Variants in LRRTM4 observed in about 807,000 individuals in gnomAD.
LRRTM4 encodes the protein leucine rich repeat transmembrane neuronal 4.
Under a neutral mutation model 47.6 loss-of-function variants are expected in LRRTM4, and 25 were observed. The observed-to-expected ratio is 0.53, with a 90% confidence interval of 0.38 to 0.73. LRRTM4 has a LOEUF of 0.73. Among genes scored for constraint, LRRTM4 ranks in the 30% least tolerant of loss-of-function variants. The probability of loss-of-function intolerance (pLI) is 0.00; values close to 1 mark genes in which losing one functional copy is unlikely to be tolerated. For synonymous variants in LRRTM4, 311 were observed against 269.5 expected, an observed-to-expected ratio of 1.15 and a Z score of -1.51; for missense variants, 638 against 713.4, an observed-to-expected ratio of 0.89 and a Z score of 1.20.
At chr2:77,314,306 G>A (rs1208306773) in intron 3 of LRRTM4, among the ~76,000 whole-genome samples, 1 of 152,082 alleles carries the variant, frequency 6.6e-6, no homozygotes, top group East Asian at 1.9e-4. Flanking sequence ...GAATGAAGAT[G>A]CATCAATCAT....
In LRRTM4 at chr2:77,519,502, A is replaced by G; in HGVS notation, c.367T>C (p.Tyr123His). The G allele has an allele frequency of 6.2e-7, 1 of 1,613,458 alleles. No individual in the cohort carries two copies. Among genetic ancestry groups the G allele is most frequent in the South Asian group, 1.1e-5 (1 of 91,066 alleles). Residue 123 changes from tyrosine (Y) to histidine (H), a missense_variant, in exon 3 of 4, where the codon TAT (tyrosine) becomes CAT (histidine). Coordinates refer to ENST00000409884, the MANE Select transcript of LRRTM4 (RefSeq NM_001134745.3). This position sits in a 1 kb window ranked among gnomAD's most constrained non-coding sequence, Gnocchi z 4.6. ...GGGTGAAATGTTTTATTGTGCAGAT[A>G]AGTAATTTTGTTGGAGCTTAGAATT... ...ELILSSNKIT[Y>H]LHNKTFHPVP...
At chr2:77,191,886 A>G (rs1226844852) in intron 3 of LRRTM4, among the ~76,000 whole-genome samples, 1 of 152,046 alleles carries the variant, frequency 6.6e-6, no homozygotes, top group Non-Finnish European at 1.5e-5. Flanking sequence ...CTATAATCAC[A>G]ATATAGCTCC....
chr2:76,829,635 C>T (rs1237347234), intron 3 of LRRTM4, among the ~76,000 whole-genome samples: 2 of 151,924 alleles, frequency 1.3e-5, no homozygotes, highest in Non-Finnish European at 2.9e-5. Flanking sequence ...TTACTCAGTG[C>T]ATTTTTGTTA....
chr2:76,823,400 T>C (rs539728733), intron 3 of LRRTM4, among the ~76,000 whole-genome samples: 41 of 151,594 alleles, frequency 2.7e-4, no homozygotes, highest in African/African-American at 9.6e-4. Context: ...TGTTACTCAT[T>C]ATTTATACCT....
chr2:76,899,336 CACACACACACACACACAT>C (rs1396777988), intron 3 of LRRTM4, among the ~76,000 whole-genome samples: 2 of 148,592 alleles, frequency 1.3e-5, no homozygotes, highest in African/African-American at 5.1e-5. Context: ...CACACACACA[CACACACACACACACACAT>C]ATATATATAT....
intron 3 of LRRTM4, among the ~76,000 whole-genome samples, chr2:76,780,274 G>GCA (rs1674295592): frequency 1.3e-5 from 2 of 152,070 alleles, no homozygotes; most frequent in African/African-American, 2.4e-5. Flanking sequence ...TCTTTGTGTT[G>GCA]TTCTCTGTAT....
At chr2:76,850,345 T>G (rs1671956737) in intron 3 of LRRTM4, among the ~76,000 whole-genome samples, 1 of 152,112 alleles carries the variant, frequency 6.6e-6, no homozygotes, top group African/African-American at 2.4e-5. Context: ...CGGAAGCAAT[T>G]GTGTGGAAGA....
intron 3 of LRRTM4, among the ~76,000 whole-genome samples, chr2:77,061,395 C>G (rs1165551239): frequency 6.6e-6 from 1 of 152,092 alleles, no homozygotes; most frequent in Admixed American, 6.6e-5. Context: ...AAGTGACCTT[C>G]AAAACAGAAA....
intron 3 of LRRTM4, among the ~76,000 whole-genome samples, chr2:76,884,991 T>C (rs893108906): frequency 6.6e-6 from 1 of 152,094 alleles, no homozygotes; most frequent in Non-Finnish European, 1.5e-5. Context: ...CAGAATTGCA[T>C]TATATAAAGT....
At chr2:76,989,913 T>A (rs894535083) in intron 3 of LRRTM4, 1 of 151,830 alleles carries the variant, frequency 6.6e-6, no homozygotes, top group African/African-American at 2.4e-5. Flanking sequence ...ACAGATAAAG[T>A]ACATGGCACA....
At chr2:77,205,036 C>A (rs1218560749) in intron 3 of LRRTM4, among the ~76,000 whole-genome samples, 3 of 152,108 alleles carry the variant, frequency 2.0e-5, no homozygotes, top group East Asian at 1.9e-4. Flanking sequence ...TTTATAACTC[C>A]CTATTTTTGG....
intron 3 of LRRTM4, among the ~76,000 whole-genome samples, chr2:77,016,607 T>C (rs777239163): frequency 6.6e-6 from 1 of 152,070 alleles, no homozygotes; most frequent in African/African-American, 2.4e-5. Context: ...GCCTCTCTCT[T>C]CTCACGCTAG....
chr2:76,859,507 G>A (rs889247952), intron 3 of LRRTM4, among the ~76,000 whole-genome samples: 1 of 152,120 alleles, frequency 6.6e-6, no homozygotes, highest in Non-Finnish European at 1.5e-5. Flanking sequence ...AAAGCCAAGA[G>A]CTGGTTAATA....
intron 3 of LRRTM4, among the ~76,000 whole-genome samples, chr2:77,474,124 TTTC>T (rs1475029119): frequency 6.6e-6 from 1 of 152,130 alleles, no homozygotes; most frequent in East Asian, 1.9e-4. Flanking sequence ...TTTATGTGCT[TTTC>T]TTCTATTTTC....
At position 76,786,628 on chromosome 2, in the gene LRRTM4, T is replaced by G. The variant is rs192690402; in HGVS notation, c.1552-37712A>C. Among the ~76,000 whole-genome samples, 207 of 152,190 alleles carry G rather than the reference T, an allele frequency of 1.4e-3. 3 individuals carry two copies. In the South Asian group the frequency reaches 0.017, roughly 13 times the overall value. On this transcript the variant is annotated intron_variant, in intron 3 of 3. Coordinates refer to ENST00000409884, the MANE Select transcript of LRRTM4 (RefSeq NM_001134745.3). ...CAAAGCTAAGAGCAGAGAGGTAATT[T>G]GGTTTTAAAAATATCTGTGGGAGGT...
intron 3 of LRRTM4, among the ~76,000 whole-genome samples, chr2:76,939,144 C>A (rs146100173): frequency 3.0e-4 from 41 of 137,094 alleles, no homozygotes; most frequent in African/African-American, 1.3e-3. Context: ...TTACTGGTAA[C>A]CTGTTACTGA....
chr2:77,015,867 C>G (rs975858351), intron 3 of LRRTM4, among the ~76,000 whole-genome samples: 1 of 151,986 alleles, frequency 6.6e-6, no homozygotes, highest in African/African-American at 2.4e-5. Flanking sequence ...CCTATAATCC[C>G]AGCACTTGAG....
chr2:76,989,669 G>C (rs959070992), intron 3 of LRRTM4, among the ~76,000 whole-genome samples: 17 of 118,196 alleles, frequency 1.4e-4, no homozygotes, highest in African/African-American at 6.9e-4. Flanking sequence ...TGGCAGTAAT[G>C]GATCTCAGTG....
At chr2:77,133,927 C>G (rs114213941) in intron 3 of LRRTM4, among the ~76,000 whole-genome samples, 1 of 151,702 alleles carries the variant, frequency 6.6e-6, no homozygotes, top group Non-Finnish European at 1.5e-5. Context: ...ATTCATTATT[C>G]GAAAAAATAA....
Sources: allele counts gnomAD v4.1 joint callset (sites outside exome capture counted in the v4.1 genomes callset), GRCh38; gene constraint gnomAD v4.1.1; non-coding constraint Gnocchi (gnomAD v3.1); transcripts MANE v1.5; gene names NCBI Gene and HGNC (gene_info 2026-07-23, HGNC 2026-07-21).